Variants in CTNNA3 observed in about 807,000 individuals in gnomAD.
CTNNA3 encodes catenin alpha 3, also known as catenin alpha-3.
CTNNA3 carries 76 observed loss-of-function variants against 95.7 expected under a neutral mutation model. That is an observed-to-expected ratio of 0.79 (90% CI 0.66 to 0.96). CTNNA3 has a LOEUF of 0.96. Ranked by LOEUF, CTNNA3 falls within the 40% of genes least tolerant of loss-of-function variation. The pLI is 0.00. For synonymous variants in CTNNA3, 431 were observed against 374.4 expected (o/e 1.15, Z -1.74); for missense variants, 1,191 against 1,089.8 (o/e 1.09, Z -1.31).
At chr10:66,313,657 T>C (rs10822803) in intron 12 of CTNNA3, among the ~76,000 whole-genome samples, 25,926 of 152,130 alleles carry the variant, frequency 0.17, 2,457 homozygotes, top group East Asian at 0.26. Flanking sequence ...CTTTACTTGA[T>C]TACTTATTAT....
At chr10:67,542,493 T>C (rs183832798) in intron 3 of CTNNA3, among the ~76,000 whole-genome samples, 278 of 152,226 alleles carry the variant, frequency 1.8e-3, no homozygotes, top group African/African-American at 6.1e-3. Flanking sequence ...GCCAAATGAA[T>C]ATATGAATGA....
intron 10 of CTNNA3, among the ~76,000 whole-genome samples, chr10:66,525,503 C>G (rs1053625324): frequency 3.9e-5 from 6 of 152,132 alleles, no homozygotes; most frequent in Admixed American, 2.0e-4. Context: ...CCACACTGTA[C>G]TCTCTTCTAT....
intron 7 of CTNNA3, among the ~76,000 whole-genome samples, chr10:67,047,624 A>G (rs1329505930): frequency 1.3e-5 from 2 of 152,146 alleles, no homozygotes; most frequent in African/African-American, 4.8e-5. Flanking sequence ...ATGGTGTCAA[A>G]GATTCAGCAA....
At chr10:67,391,186 T>C (rs1375860199) in intron 5 of CTNNA3, among the ~76,000 whole-genome samples, 1 of 152,114 alleles carries the variant, frequency 6.6e-6, no homozygotes, top group African/African-American at 2.4e-5. Context: ...CTCCTTAAGC[T>C]GATAAGCAAC....
At chr10:67,267,819 A>T (rs1866890737) in intron 5 of CTNNA3, among the ~76,000 whole-genome samples, 1 of 152,184 alleles carries the variant, frequency 6.6e-6, no homozygotes, top group African/African-American at 2.4e-5. Flanking sequence ...ATTTTTTATT[A>T]TAGCATTATT....
chr10:67,585,459 G>C (rs1381041065), intron 3 of CTNNA3, among the ~76,000 whole-genome samples: 2 of 152,044 alleles, frequency 1.3e-5, no homozygotes, highest in Non-Finnish European at 2.9e-5. Flanking sequence ...AATCCATCTG[G>C]TCCTGGGCTT....
chr10:67,627,696 G>C (rs1439866551), intron 2 of CTNNA3, among the ~76,000 whole-genome samples: 2 of 151,946 alleles, frequency 1.3e-5, no homozygotes, highest in Non-Finnish European at 2.9e-5. Context: ...AAATATATCT[G>C]TATCTGTTAA....
intron 7 of CTNNA3, among the ~76,000 whole-genome samples, chr10:66,966,221 C>T (rs1849402874): frequency 6.6e-6 from 1 of 152,072 alleles, no homozygotes; most frequent in Non-Finnish European, 1.5e-5. Context: ...AAACAATTTT[C>T]CCTATTTTTG....
chr10:67,459,770 T>C (rs1316497973), intron 5 of CTNNA3, among the ~76,000 whole-genome samples: 9 of 152,184 alleles, frequency 5.9e-5, no homozygotes, highest in African/African-American at 2.2e-4. Flanking sequence ...TTAGCAAAGA[T>C]TAAATGCCTT....
chr10:66,209,827 T>C (rs1292161115), intron 13 of CTNNA3, among the ~76,000 whole-genome samples: 1 of 152,172 alleles, frequency 6.6e-6, no homozygotes, highest in Non-Finnish European at 1.5e-5. Context: ...GGTTAAAACA[T>C]GTATGTGTAG....
chr10:67,094,502 C>T (rs1481745985), intron 7 of CTNNA3, among the ~76,000 whole-genome samples: 4 of 151,598 alleles, frequency 2.6e-5, no homozygotes, highest in Middle Eastern at 3.2e-3. Context: ...AAATTACTGG[C>T]CATATTCTAT....
intron 17 of CTNNA3, among the ~76,000 whole-genome samples, chr10:65,954,386 T>C (rs1264821353): frequency 6.6e-6 from 1 of 152,220 alleles, no homozygotes; most frequent in Non-Finnish European, 1.5e-5. Context: ...AGCTCTTTAG[T>C]TTAATTAGAT....
chr10:65,932,725 C>T (rs1015616113), intron 17 of CTNNA3, among the ~76,000 whole-genome samples: 1 of 152,134 alleles, frequency 6.6e-6, no homozygotes, highest in African/African-American at 2.4e-5. Flanking sequence ...ACACAGTCTT[C>T]TTATTCTACC....
intron 5 of CTNNA3, among the ~76,000 whole-genome samples, chr10:67,248,803 A>G (rs1032563410): frequency 2.0e-5 from 3 of 152,180 alleles, no homozygotes; most frequent in African/African-American, 7.2e-5. Flanking sequence ...AACAAAATGG[A>G]TCACAGACCA....
At chr10:66,323,233 T>G (rs1406164796) in intron 12 of CTNNA3, among the ~76,000 whole-genome samples, 1 of 152,042 alleles carries the variant, frequency 6.6e-6, no homozygotes, top group Non-Finnish European at 1.5e-5. Context: ...TCTGCCACAC[T>G]AAGTATCTAT....
intron 1 of CTNNA3, among the ~76,000 whole-genome samples, chr10:67,702,276 CT>C (rs1445703261): frequency 6.6e-6 from 1 of 152,082 alleles, no homozygotes; most frequent in African/African-American, 2.4e-5. Flanking sequence ...CCAAGCGGAC[CT>C]AATAGACATC....
At chr10:66,122,719 T>C (rs973002134) in intron 13 of CTNNA3, among the ~76,000 whole-genome samples, 5 of 152,232 alleles carry the variant, frequency 3.3e-5, no homozygotes, top group African/African-American at 1.2e-4. Flanking sequence ...CAGTTCCACA[T>C]GGCTAGGAAT....
At chr10:67,636,573 G>T (rs1351065819) in intron 2 of CTNNA3, among the ~76,000 whole-genome samples, 1 of 152,152 alleles carries the variant, frequency 6.6e-6, no homozygotes, top group Non-Finnish European at 1.5e-5. Context: ...ATGGGGAAAA[G>T]ATTTCCTATT....
chr10:66,537,991 A>G (rs1193784216), intron 10 of CTNNA3, among the ~76,000 whole-genome samples: 2 of 152,080 alleles, frequency 1.3e-5, no homozygotes, highest in Non-Finnish European at 2.9e-5. Flanking sequence ...CACCCTCCAC[A>G]CCATCACTAC....
Sources: allele counts gnomAD v4.1 joint callset (sites outside exome capture counted in the v4.1 genomes callset), GRCh38; gene constraint gnomAD v4.1.1; transcripts MANE v1.5; gene names NCBI Gene and HGNC (gene_info 2026-07-23, HGNC 2026-07-21).